PAPPA2: variants seen among roughly 807,000 people sequenced by gnomAD.
PAPPA2 encodes pappalysin-2.
Under a neutral mutation model 176.4 loss-of-function variants are expected in PAPPA2, and 86 were observed. That is an observed-to-expected ratio of 0.49 (90% CI 0.41 to 0.58). The LOEUF is 0.58. Among genes scored for constraint, PAPPA2 ranks in the 20% least tolerant of loss-of-function variants. The pLI is 0.00. For synonymous variants in PAPPA2, 809 were observed against 852.2 expected (o/e 0.95, Z 0.88); for missense variants, 2,073 against 2,256.9 (o/e 0.92, Z 1.65).
intron 14 of PAPPA2, among the ~76,000 whole-genome samples, chr1:176,760,983 A>G (rs1309734379): frequency 2.0e-5 from 3 of 151,804 alleles, no homozygotes; most frequent in Non-Finnish European, 4.4e-5. Context: ...CACCATGCCT[A>G]GCTAATTTTT....
intron 1 of PAPPA2, among the ~76,000 whole-genome samples, chr1:176,466,904 C>G (rs544214354): frequency 1.3e-5 from 2 of 152,292 alleles, no homozygotes; most frequent in Admixed American, 1.3e-4. Flanking sequence ...TTAGGCTCAC[C>G]TGTTTTGCAT....
chr1:176,717,637 C>T (rs184986798), intron 12 of PAPPA2, among the ~76,000 whole-genome samples: 1 of 152,358 alleles, frequency 6.6e-6, no homozygotes, highest in African/African-American at 2.4e-5. Context: ...AAAACCTCTC[C>T]TTGGCTAAGC....
At chr1:176,835,380 C>T (rs1333952560) in intron 21 of PAPPA2, among the ~76,000 whole-genome samples, 1 of 152,228 alleles carries the variant, frequency 6.6e-6, no homozygotes, top group East Asian at 1.9e-4. Flanking sequence ...AAAATCTCTT[C>T]AACATACTGA....
At chr1:176,613,339 G>A (rs763647440) in intron 3 of PAPPA2, among the ~76,000 whole-genome samples, 9 of 152,164 alleles carry the variant, frequency 5.9e-5, no homozygotes, top group Non-Finnish European at 1.0e-4. Context: ...CTTCACTGCT[G>A]GACCATGGGG....
chr1:176,607,702 A>G (rs1654694227), intron 3 of PAPPA2, among the ~76,000 whole-genome samples: 1 of 152,086 alleles, frequency 6.6e-6, no homozygotes, highest in Admixed American at 6.6e-5. Flanking sequence ...CAGTTTTTCC[A>G]TATCTCTGCT....
intron 4 of PAPPA2, among the ~76,000 whole-genome samples, chr1:176,671,545 A>C (rs574631286): frequency 5.9e-5 from 9 of 152,172 alleles, no homozygotes; most frequent in African/African-American, 2.2e-4. Flanking sequence ...GGAAATTCAA[A>C]AGGTGGGGCT....
chr1:176,796,051 T>C (rs1254050448), intron 20 of PAPPA2, among the ~76,000 whole-genome samples: 2 of 152,222 alleles, frequency 1.3e-5, no homozygotes, highest in South Asian at 4.1e-4. Flanking sequence ...CACTCTTCCC[T>C]CTGGCTCTTA....
intron 2 of PAPPA2, among the ~76,000 whole-genome samples, chr1:176,585,595 C>A (rs1191196098): frequency 6.6e-6 from 1 of 152,152 alleles, no homozygotes; most frequent in Non-Finnish European, 1.5e-5. Flanking sequence ...CTCTTTTCTT[C>A]TCTTTCTACA....
At position 176,529,455 on chromosome 1, in the gene PAPPA2, GC is replaced by G. The variant is rs1649680273; in HGVS notation, c.-916-25950del. ...ATGCTTTGGATCTGATCTCCTGGCT[GC>G]CGATTTCACCGAGATCCACACTTTG... On this transcript the variant is annotated intron_variant, in intron 1 of 22. Coordinates refer to ENST00000367662, the MANE Select transcript of PAPPA2 (RefSeq NM_020318.3). Among the ~76,000 whole-genome samples, 3 of 66,874 alleles carry G rather than the reference GC, an allele frequency of 4.5e-5. No individual in the cohort carries two copies. The South Asian group carries it at 1.2e-3, about 26-fold the overall frequency. 43.9% of individuals were successfully genotyped at this position (66,874 alleles called of 152,430 possible). A position where few individuals can be genotyped will look rare whatever the true frequency, so the allele number is the denominator to read the frequency against.
intron 21 of PAPPA2, among the ~76,000 whole-genome samples, chr1:176,834,841 C>T (rs1305464134): frequency 1.3e-5 from 2 of 152,126 alleles, no homozygotes; most frequent in African/African-American, 4.8e-5. Flanking sequence ...TGTGGTGGCT[C>T]AATGTTGTAA....
chr1:176,491,702 T>C (rs961146329), intron 1 of PAPPA2, among the ~76,000 whole-genome samples: 8 of 152,374 alleles, frequency 5.3e-5, no homozygotes, highest in Admixed American at 1.3e-4. Flanking sequence ...GTATTTATTA[T>C]TACTATTAGT....
chr1:176,815,227 A>G (rs920830527), intron 21 of PAPPA2, among the ~76,000 whole-genome samples: 4 of 152,212 alleles, frequency 2.6e-5, no homozygotes, highest in Non-Finnish European at 5.9e-5. Context: ...AGCAAACAGC[A>G]TGCATAATGA....
intron 21 of PAPPA2, 33 bp from the exon 22 acceptor site, chr1:176,840,140 A>G (rs1337645811): frequency 6.6e-7 from 1 of 1,509,236 alleles, no homozygotes; most frequent in Non-Finnish European, 9.2e-7. Flanking sequence ...TAATAAGGCT[A>G]TACTGAGATG....
At chr1:176,780,710 G>T (rs1664671111) in intron 17 of PAPPA2, among the ~76,000 whole-genome samples, 1 of 151,764 alleles carries the variant, frequency 6.6e-6, no homozygotes, top group Admixed American at 6.6e-5. Context: ...ACAACCGCAA[G>T]ACCTAATATA....
At chr1:176,626,336 A>G (rs1190574522) in intron 3 of PAPPA2, among the ~76,000 whole-genome samples, 1 of 152,214 alleles carries the variant, frequency 6.6e-6, no homozygotes, top group Non-Finnish European at 1.5e-5. Context: ...ATCTTCATAT[A>G]TGTATTTATT....
chr1:176,679,357 A>G (rs1479920491), intron 4 of PAPPA2, among the ~76,000 whole-genome samples: 4 of 152,048 alleles, frequency 2.6e-5, no homozygotes, highest in Admixed American at 1.3e-4. Context: ...CATGTTTCCA[A>G]CTACTTAACA....
At chr1:176,574,398 C>G (rs1031673998) in intron 2 of PAPPA2, among the ~76,000 whole-genome samples, 18 of 152,164 alleles carry the variant, frequency 1.2e-4, no homozygotes, top group African/African-American at 3.9e-4. Context: ...GGAGACTGTA[C>G]AGCTATTAAG....
At chr1:176,604,734 CTT>C (rs1215471780) in intron 3 of PAPPA2, among the ~76,000 whole-genome samples, 1 of 152,140 alleles carries the variant, frequency 6.6e-6, no homozygotes, top group African/African-American at 2.4e-5. Flanking sequence ...TTGCACAAGA[CTT>C]TAGTTTCTTT....
chr1:176,676,371 T>C (rs1160467930), intron 4 of PAPPA2, among the ~76,000 whole-genome samples: 1 of 151,938 alleles, frequency 6.6e-6, no homozygotes, highest in East Asian at 1.9e-4. Flanking sequence ...GCTTAAACTG[T>C]GTACATCGAC....
Sources: allele counts gnomAD v4.1 joint callset (sites outside exome capture counted in the v4.1 genomes callset), GRCh38; gene constraint gnomAD v4.1.1; transcripts MANE v1.5; gene names NCBI Gene and HGNC (gene_info 2026-07-23, HGNC 2026-07-21).